PDE3B: variants seen among roughly 807,000 people sequenced by gnomAD.
PDE3B encodes phosphodiesterase 3B.
In PDE3B, 66 loss-of-function variants were observed where a neutral mutation model predicts 116.8. The observed-to-expected ratio is 0.56, with a 90% CI of 0.46 to 0.69. The LOEUF (loss-of-function observed/expected upper bound fraction) is 0.69, where lower values mean the gene tolerates loss of function less well. Ranked by LOEUF, PDE3B falls within the 30% of genes least tolerant of loss-of-function variation. PDE3B has a pLI of 0.00. For missense variants in PDE3B, 1,384 were observed against 1,368.1 expected, an observed-to-expected ratio of 1.01 and a Z score of -0.18; for synonymous variants, 595 against 533.6, an observed-to-expected ratio of 1.12 and a Z score of -1.59.
At chr11:14,808,951 T>A (rs776163519) in intron 5 of PDE3B, among the ~76,000 whole-genome samples, 14 of 152,192 alleles carry the variant, frequency 9.2e-5, no homozygotes, top group Non-Finnish European at 2.1e-4. Flanking sequence ...TGCACTAGAT[T>A]CGATACAGTC....
chr11:14,878,088 T>C, the PDE3B span: 6 of 1,610,124 alleles, frequency 3.7e-6, no homozygotes, highest in South Asian at 2.2e-5. Context: ...AAGGCAAATA[T>C]ACATTCTTGT....
At chr11:14,808,069 A>AG (rs1859001966) in intron 5 of PDE3B, among the ~76,000 whole-genome samples, 1 of 152,106 alleles carries the variant, frequency 6.6e-6, no homozygotes, top group Non-Finnish European at 1.5e-5. Flanking sequence ...CAAAAAAAAA[A>AG]AAAAAAAAGT....
chr11:14,644,540 G>C lies in PDE3B; in HGVS notation c.465G>C (p.Leu155=), dbSNP rs1355281765. 1 of 1,603,152 alleles carries C rather than the reference G, an allele frequency of 6.2e-7. No homozygotes were observed. Among genetic ancestry groups the C allele is most frequent in the Admixed American group, 1.7e-5 (1 of 58,626 alleles). ...PGRSCGSWWL[L]ALPACCYLGD... ...GGAGCTGCGGCTCCTGGTGGCTGCT[G>C]GCGCTGCCCGCCTGCTGTTACCTGG... The change falls in exon 1 of 16, where the codon CTG becomes CTC. Residue 155 remains leucine, a synonymous_variant. Coordinates refer to ENST00000282096, the MANE Select transcript of PDE3B (RefSeq NM_000922.4).
rs200861692 is a variant in PDE3B at position 14,859,081 on chromosome 11, T to A, written c.2559T>A (p.His853Gln). 45 of 1,613,610 alleles carry A rather than the reference T, an allele frequency of 2.8e-5. No individual in the cohort carries two copies. Among genetic ancestry groups the A allele is most frequent in the Non-Finnish European group, 3.7e-5 (44 of 1,179,704 alleles). ...LYNDRSVLEN[H>Q]HAASAWNLYL... ...ATGACAGATCTGTTCTGGAAAATCATCATGCTGCGTCAGCTTGGAATCTAT... is the reference window on the plus strand; with the variant it reads ...ATGACAGATCTGTTCTGGAAAATCAACATGCTGCGTCAGCTTGGAATCTAT... Residue 853 changes from histidine (H) to glutamine (Q), a missense_variant, in exon 13 of 16, where the codon CAT (histidine) becomes CAA (glutamine). By Grantham distance (24) the His-to-Gln change is conservative (BLOSUM62 0). This residue lies in a region of PDE3B where 428 missense variants were observed against 561.4 expected (regional missense o/e 0.76). Transcript: ENST00000282096.
At chr11:14,741,366 T>C (rs1050827897) in intron 1 of PDE3B, among the ~76,000 whole-genome samples, 4 of 152,174 alleles carry the variant, frequency 2.6e-5, no homozygotes, top group Admixed American at 6.5e-5. Context: ...TGCCCTTCTT[T>C]GTGTCTTTTG....
chr11:14,722,385 G>T (rs1035802775), intron 1 of PDE3B, among the ~76,000 whole-genome samples: 1 of 151,852 alleles, frequency 6.6e-6, no homozygotes, highest in African/African-American at 2.4e-5. Context: ...GTGTCAACTG[G>T]CAGATAGAGT....
In PDE3B at chr11:14,695,903, C is replaced by T. The variant is rs530279727; in HGVS notation, c.978+50850C>T. ...CATGTGTATGCACCATTTTCTTTAT[C>T]CAGTCTATCATTGATGGGCATTTGG... On this transcript the variant is annotated intron_variant, in intron 1 of 15. Transcript: ENST00000282096. Among the ~76,000 whole-genome samples, 8 of 152,220 alleles carry T rather than the reference C, an allele frequency of 5.3e-5. No individual in the cohort carries two copies. The South Asian group carries it at 1.5e-3, about 28-fold the overall frequency.
chr11:14,780,408 G>C (rs899767024), intron 2 of PDE3B, among the ~76,000 whole-genome samples: 12 of 152,164 alleles, frequency 7.9e-5, no homozygotes, highest in African/African-American at 2.6e-4. Context: ...TGACCACATA[G>C]TTGGAAGTAA....
At chr11:14,767,583 A>G (rs1032794864) in intron 1 of PDE3B, among the ~76,000 whole-genome samples, 1 of 151,494 alleles carries the variant, frequency 6.6e-6, no homozygotes, top group Non-Finnish European at 1.5e-5. Flanking sequence ...GATATAAATA[A>G]TATTCAAATG....
At chr11:14,721,672 G>T (rs1449870485) in intron 1 of PDE3B, among the ~76,000 whole-genome samples, 6 of 124,226 alleles carry the variant, frequency 4.8e-5, no homozygotes. Context: ...ACTATCGCAA[G>T]AACAAAAAAC....
intron 5 of PDE3B, among the ~76,000 whole-genome samples, chr11:14,817,638 A>T (rs1295843960): frequency 6.6e-6 from 1 of 152,066 alleles, no homozygotes; most frequent in African/African-American, 2.4e-5. Context: ...GTAGTCTCCA[A>T]GGCCAGAGGA....
At chr11:14,892,235 G>A in the PDE3B span, 1 of 1,592,692 alleles carries the variant, frequency 6.3e-7, no homozygotes, top group Non-Finnish European at 8.5e-7. Context: ...GAACTCCACA[G>A]CAGCCCTGAG....
intron 1 of PDE3B, among the ~76,000 whole-genome samples, chr11:14,761,423 TAGTAAC>T: frequency 6.6e-6 from 1 of 152,178 alleles, no homozygotes; most frequent in Admixed American, 6.6e-5. Flanking sequence ...TGCCATTTTG[TAGTAAC>T]AGTCAATTCA....
At chr11:14,732,519 A>AT (rs1426713907) in intron 1 of PDE3B, among the ~76,000 whole-genome samples, 3 of 152,082 alleles carry the variant, frequency 2.0e-5, no homozygotes, top group South Asian at 2.1e-4. Flanking sequence ...TTTTAGTGTC[A>AT]TTTTTTTCAT....
chr11:14,862,887 A>T (rs546184497), intron 14 of PDE3B, among the ~76,000 whole-genome samples: 2 of 151,508 alleles, frequency 1.3e-5, no homozygotes, highest in Non-Finnish European at 1.5e-5. Context: ...TAAATCTTTA[A>T]TTTTTTTTTA....
chr11:14,808,400 C>T (rs191056074), intron 5 of PDE3B, among the ~76,000 whole-genome samples: 1 of 152,072 alleles, frequency 6.6e-6, no homozygotes, highest in African/African-American at 2.4e-5. Flanking sequence ...TGCAAAGATA[C>T]AAGAAATTTT....
chr11:14,845,168 G>A (rs7108485), intron 12 of PDE3B, among the ~76,000 whole-genome samples: 19,814 of 151,684 alleles, frequency 0.13, 1,527 homozygotes, highest in African/African-American at 0.2. Flanking sequence ...AGACAGCAGC[G>A]TTCACGGTTC....
At chr11:14,788,934 T>C (rs1858299788) in intron 3 of PDE3B, 172 bp from the exon 4 acceptor site, 1 of 445,712 alleles carries the variant, frequency 2.2e-6, no homozygotes, top group African/African-American at 2.1e-5. Context: ...AATAACAAAA[T>C]AGAGTGTGAA....
chr11:14,676,561 A>G (rs1211740156), intron 1 of PDE3B, among the ~76,000 whole-genome samples: 3 of 152,186 alleles, frequency 2.0e-5, no homozygotes, highest in Non-Finnish European at 4.4e-5. Flanking sequence ...GTGAGAGGTG[A>G]GTGAATGGAA....
Sources: gnomAD v4.1 joint callset for allele counts (sites outside exome capture counted in the v4.1 genomes callset) on GRCh38, gnomAD v4.1.1 for gene constraint, gnomAD v4.1.1 regional missense constraint, MANE v1.5 for transcripts, NCBI Gene and HGNC (gene_info 2026-07-23, HGNC 2026-07-21) for gene names.